The following UGGT2 variants were observed in gnomAD, a reference collection of about 807,000 sequenced individuals.
UGGT2 encodes UDP-glucose glycoprotein glucosyltransferase 2, also known as UDP-glucose:glycoprotein glucosyltransferase 2.
In UGGT2, 180 loss-of-function variants were observed where a neutral mutation model predicts 192.1. That is an observed-to-expected ratio of 0.94 (90% confidence interval 0.83 to 1.06). The LOEUF is 1.06. Ranked by LOEUF, UGGT2 falls within the 50% of genes least tolerant of loss-of-function variation. UGGT2 has a pLI of 0.00. For missense variants in UGGT2, 1,849 were observed against 1,795.7 expected (o/e 1.03, Z -0.54); for synonymous variants, 580 against 591.0 (o/e 0.98, Z 0.27).
intron 4 of UGGT2, among the ~76,000 whole-genome samples, chr13:96,015,074 C>G (rs966376578): frequency 1.3e-5 from 2 of 151,850 alleles, no homozygotes; most frequent in African/African-American, 2.4e-5. Context: ...GTCAGGATAT[C>G]GAGACCATCC....
At chr13:95,832,731 C>T (rs1449374724) in intron 38 of UGGT2, 196 bp downstream of exon 38, 1 of 726,102 alleles carries the variant, frequency 1.4e-6, no homozygotes, top group Non-Finnish European at 2.4e-6. Context: ...AAGCTGTATC[C>T]ATGGGGAAAC....
chr13:95,874,939 C>A (rs1241093630), intron 29 of UGGT2, among the ~76,000 whole-genome samples: 2 of 152,320 alleles, frequency 1.3e-5, no homozygotes, highest in East Asian at 3.9e-4. Flanking sequence ...AGTCCTCCCA[C>A]CTTGGCCTCC....
chr13:95,983,951 T>G, intron 9 of UGGT2, 87 bp from the exon 10 acceptor site: 1 of 858,356 alleles, frequency 1.2e-6, no homozygotes, highest in South Asian at 3.0e-5. Flanking sequence ...ATACTTTGGA[T>G]AAGAAGCTAA....
Position 95,801,679 on chromosome 13 carries a change from G to T in UGGT2, c.*111C>A. On this transcript the variant is annotated 3_prime_UTR_variant, in exon 39 of 39. Transcript: ENST00000376747. The stretch of plus-strand genomic sequence containing the variant: ...ACAATTTTTTAAAATTAAAGAATAT[G>T]TCACTGATCTTAACGAGACTTCCAA... The T allele has an allele frequency of 9.5e-7, 1 of 1,052,890 alleles. No homozygotes were observed. Among genetic ancestry groups the T allele is most frequent in the Non-Finnish European group, 1.4e-6 (1 of 711,778 alleles). 65.2% of individuals were successfully genotyped at this position (1,052,890 alleles called of 1,614,324 possible).
chr13:95,959,450 C>T (rs887416138), intron 12 of UGGT2, among the ~76,000 whole-genome samples: 2 of 152,148 alleles, frequency 1.3e-5, no homozygotes, highest in Non-Finnish European at 2.9e-5. Flanking sequence ...ATAGCCAGAG[C>T]CTGAATGTAC....
intron 15 of UGGT2, among the ~76,000 whole-genome samples, chr13:95,942,370 G>A (rs2049721691): frequency 6.6e-6 from 1 of 151,894 alleles, no homozygotes; most frequent in Non-Finnish European, 1.5e-5. Flanking sequence ...TACAGGCAGG[G>A]TAGCAATGTA....
chr13:95,920,799 A>ACAAAATTACCATTTGAC (rs2048820800), intron 20 of UGGT2, among the ~76,000 whole-genome samples: 1 of 152,248 alleles, frequency 6.6e-6, no homozygotes, highest in Non-Finnish European at 1.5e-5. Context: ...AGAACTGAAA[A>ACAAAATTACCATTTGAC]CAAAATTACC....
At chr13:95,844,931 T>C (rs1391522056) in intron 36 of UGGT2, among the ~76,000 whole-genome samples, 1 of 152,202 alleles carries the variant, frequency 6.6e-6, no homozygotes, top group African/African-American at 2.4e-5. Context: ...AGGTTTTTCA[T>C]AGATGCCCTT....
rs949720355 is a variant in UGGT2 at position 95,897,758 on chromosome 13, C to T, written c.2635-2454G>A. On this transcript the variant is annotated intron_variant, in intron 22 of 38. Transcript: ENST00000376747. The stretch of plus-strand genomic sequence containing the variant: ...CCAATATACTTTTCTATTAAAACCA[C>T]AGTTATACAAATAAAAGGATAATTG... Among the ~76,000 whole-genome samples the T allele has an allele frequency of 2.6e-5, 4 of 152,154 alleles. No homozygotes were observed. In the East Asian group the frequency reaches 5.8e-4, roughly 22 times the overall value.
chr13:96,003,290 T>A (rs2051866729), intron 5 of UGGT2, among the ~76,000 whole-genome samples: 1 of 152,142 alleles, frequency 6.6e-6, no homozygotes, highest in South Asian at 2.1e-4. Context: ...ATCATAAAAT[T>A]ATCAAATATA....
chr13:95,860,071 T>C (rs916876166), intron 32 of UGGT2, among the ~76,000 whole-genome samples: 2 of 152,038 alleles, frequency 1.3e-5, no homozygotes, highest in Non-Finnish European at 2.9e-5. Flanking sequence ...GGATGGGTCA[T>C]TTGGTTTGCT....
chr13:95,942,510 G>A (rs2049725202), intron 15 of UGGT2, among the ~76,000 whole-genome samples: 1 of 151,918 alleles, frequency 6.6e-6, no homozygotes, highest in East Asian at 1.9e-4. Flanking sequence ...TTTCAAATTT[G>A]TAAGATAATT....
chr13:95,887,404 A>C (rs909280890), intron 26 of UGGT2: 4 of 448,028 alleles, frequency 8.9e-6, no homozygotes, highest in Middle Eastern at 6.7e-4. Context: ...CTTGAGAGAG[A>C]ATGTTATTTC....
chr13:95,855,106 TAAAAA>T lies in UGGT2; in HGVS notation c.4009-636_4009-632del, dbSNP rs10713359. Among the ~76,000 whole-genome samples, 113 of 49,958 alleles carry T rather than the reference TAAAAA, an allele frequency of 2.3e-3. No individual in the cohort carries two copies. The Middle Eastern group carries it at 0.061, about 27-fold the overall frequency. 32.8% of individuals were successfully genotyped at this position (49,958 alleles called of 152,430 possible). A position where few individuals can be genotyped will look rare whatever the true frequency, so the allele number is the denominator to read the frequency against. On this transcript the variant is annotated intron_variant, in intron 34 of 38. Transcript: ENST00000376747. ...GGGCAACACAGTGAGACCCTGTCTG[TAAAAA>T]AAAAAAAAAAAAAAAAAAAAAAAAA...
chr13:95,828,206 C>T (rs952411362), intron 38 of UGGT2, among the ~76,000 whole-genome samples: 2 of 151,974 alleles, frequency 1.3e-5, no homozygotes, highest in Admixed American at 6.6e-5. Context: ...TAAATGCCCA[C>T]AAGAGAAAGC....
intron 1 of UGGT2, among the ~76,000 whole-genome samples, chr13:96,039,275 C>T (rs574993846): frequency 6.6e-6 from 1 of 152,200 alleles, no homozygotes; most frequent in Non-Finnish European, 1.5e-5. Flanking sequence ...GGAAGTCCAA[C>T]AGCCTTCTTT....
chr13:96,027,550 C>A (rs913650395), intron 2 of UGGT2, among the ~76,000 whole-genome samples: 1 of 152,142 alleles, frequency 6.6e-6, no homozygotes, highest in Admixed American at 6.5e-5. Flanking sequence ...ATTCAAAAAT[C>A]ACTCTTATTA....
chr13:95,988,800 G>A (rs1240542401), intron 8 of UGGT2, among the ~76,000 whole-genome samples: 1 of 152,076 alleles, frequency 6.6e-6, no homozygotes, highest in Admixed American at 6.6e-5. Context: ...AGTTTACCTA[G>A]ATACCATATG....
chr13:95,972,737 C>T, intron 10 of UGGT2, 66 bp from the exon 11 acceptor site: 5 of 1,163,546 alleles, frequency 4.3e-6, no homozygotes, highest in Non-Finnish European at 6.3e-6. Flanking sequence ...TAGGGGTCAC[C>T]ATATTATTTC....
Sources: gnomAD v4.1 joint callset for allele counts (sites outside exome capture counted in the v4.1 genomes callset) on GRCh38, gnomAD v4.1.1 for gene constraint, MANE v1.5 for transcripts, NCBI Gene and HGNC (gene_info 2026-07-23, HGNC 2026-07-21) for gene names.